Variants in COA1 observed in about 807,000 individuals in gnomAD.
The protein encoded by COA1 is cytochrome c oxidase assembly factor 1.
In COA1, 13 loss-of-function variants were observed where a neutral mutation model predicts 16.0. The observed-to-expected ratio is 0.81, with a 90% confidence interval of 0.53 to 1.29. COA1 has a LOEUF of 1.29. Ranked by LOEUF, COA1 falls within the 50% of genes most tolerant of loss-of-function variation. The pLI, the probability that COA1 is intolerant of heterozygous loss-of-function variation, is 0.00. For synonymous variants in COA1, 65 were observed against 65.7 expected (o/e 0.99, Z 0.05); for missense variants, 179 against 177.0 (o/e 1.01, Z -0.06).
chr7:43,727,075 C>T (rs2095631796), intron 1 of COA1, among the ~76,000 whole-genome samples: 2 of 152,160 alleles, frequency 1.3e-5, no homozygotes, highest in South Asian at 4.1e-4. Flanking sequence ...TTGATCACTA[C>T]ACATTGTATA....
intron 1 of COA1, among the ~76,000 whole-genome samples, chr7:43,676,527 A>G (rs1363864546): frequency 6.6e-6 from 1 of 152,208 alleles, no homozygotes; most frequent in Non-Finnish European, 1.5e-5. Flanking sequence ...ACTCATGTGC[A>G]GAAGCTAAAA....
rs190642452 is a variant in COA1, at chr7:43,691,477, G to T, written c.-39+37952C>A. On this transcript the variant is annotated intron_variant, in intron 1 of 5. Transcript: ENST00000223336. ...AGAAAGAAAGAAAGAAAGAAAGAAAGAAATTATCATCAATATAACATTTTC... is the reference window on the plus strand; with the variant it reads ...AGAAAGAAAGAAAGAAAGAAAGAAATAAATTATCATCAATATAACATTTTC... 4.1e-3 allele frequency among the ~76,000 whole-genome samples: 539 copies of T among 131,708 alleles called. 3 individuals are homozygous for T. The highest frequency in any genetic ancestry group is 4.7e-3 in the Non-Finnish European group (298 of 63,206). The allele number at this position is 131,708 out of a possible 152,430, so 86.4% of individuals were successfully genotyped here.
intron 1 of COA1, among the ~76,000 whole-genome samples, chr7:43,685,154 TAA>T (rs35252235): frequency 9.9e-4 from 126 of 127,030 alleles, no homozygotes; most frequent in Middle Eastern, 3.9e-3. Context: ...TCCCATCTCT[TAA>T]AAAAAAAAAA....
Position 43,691,416 on chromosome 7 carries a change from A to AAGGAAGGAAGG in COA1, c.-39+38012_-39+38013insCCTTCCTTCCT, listed in dbSNP as rs1563385275. 1.1e-4 allele frequency among the ~76,000 whole-genome samples: 10 copies of AAGGAAGGAAGG among 90,030 alleles called. No homozygotes were observed. The East Asian group carries it at 1.8e-3, about 16-fold the overall frequency. 59.1% of individuals were successfully genotyped at this position (90,030 alleles called of 152,430 possible). ...GGAAGGAAGGAAGGAAGGAAGGAAG[A>AAGGAAGGAAGG]AAGAAAAAGAAAGAAAGAAAGAAAG... On this transcript the variant is annotated intron_variant, in intron 1 of 5. Coordinates refer to ENST00000223336, the MANE Select transcript of COA1 (RefSeq NM_018224.4).
intron 1 of COA1, among the ~76,000 whole-genome samples, chr7:43,666,142 C>CA (rs1563309420): frequency 6.6e-6 from 1 of 152,160 alleles, no homozygotes; most frequent in Non-Finnish European, 1.5e-5. Flanking sequence ...TTAAGATGTT[C>CA]AATCTTCTTT....
chr7:43,680,246 A>C lies in COA1; in HGVS notation c.-38-31594T>G, dbSNP rs1265598965. On this transcript the variant is annotated intron_variant, in intron 1 of 5. Coordinates refer to ENST00000223336, the MANE Select transcript of COA1 (RefSeq NM_018224.4). ...CCGGAGAGCCATTTCACCAGCACAC[A>C]CTTGGAAGTTACCATACAGAATTTG... 2.7e-5 allele frequency among the ~76,000 whole-genome samples: 4 copies of C among 150,386 alleles called. No homozygotes were observed. In the East Asian group the frequency reaches 7.8e-4, roughly 29 times the overall value.
intron 1 of COA1, among the ~76,000 whole-genome samples, chr7:43,681,171 A>G (rs933473303): frequency 6.6e-6 from 1 of 152,124 alleles, no homozygotes; most frequent in Non-Finnish European, 1.5e-5. Flanking sequence ...ATACTATAGG[A>G]TTGACCCATT....
At chr7:43,675,064 T>C (rs773434739) in intron 1 of COA1, among the ~76,000 whole-genome samples, 5 of 152,176 alleles carry the variant, frequency 3.3e-5, no homozygotes, top group African/African-American at 7.2e-5. Flanking sequence ...CAATCACAAA[T>C]ACTCTGTCAG....
chr7:43,677,017 C>T (rs2093555888), intron 1 of COA1, among the ~76,000 whole-genome samples: 1 of 152,090 alleles, frequency 6.6e-6, no homozygotes, highest in South Asian at 2.1e-4. Flanking sequence ...TGTTAAGTCC[C>T]CTTGGGGTGG....
At chr7:43,630,754 G>A (rs1292816264) in intron 6 of COA1, among the ~76,000 whole-genome samples, 1 of 152,202 alleles carries the variant, frequency 6.6e-6, no homozygotes, top group Non-Finnish European at 1.5e-5. Context: ...TTTGCACAAT[G>A]TATATCATTT....
chr7:43,698,948 C>A (rs2131307962), intron 1 of COA1, among the ~76,000 whole-genome samples: 1 of 152,318 alleles, frequency 6.6e-6, no homozygotes, highest in Non-Finnish European at 1.5e-5. Context: ...CAAGCCCTCA[C>A]TGCCACCATC....
At chr7:43,615,333 G>A (rs34064273) in intron 6 of COA1, among the ~76,000 whole-genome samples, 19,373 of 151,982 alleles carry the variant, frequency 0.13, 1,635 homozygotes, top group Non-Finnish European at 0.19. Context: ...ACACCACCAT[G>A]CCTGGCTAAT....
At chr7:43,680,885 G>A (rs1395671180) in intron 1 of COA1, among the ~76,000 whole-genome samples, 2 of 152,090 alleles carry the variant, frequency 1.3e-5, no homozygotes, top group African/African-American at 2.4e-5. Context: ...ATGGGAAGAT[G>A]GTTTAAGCCC....
rs564112091 is a variant in COA1 at position 43,717,252 on chromosome 7, A to G, written c.-39+12177T>C. Among the ~76,000 whole-genome samples, 248 of 152,276 alleles carry G rather than the reference A, an allele frequency of 1.6e-3. 1 individual carries two copies. The highest frequency in any genetic ancestry group is 5.5e-3 in the African/African-American group (228 of 41,550). On this transcript the variant is annotated intron_variant, in intron 1 of 5. Coordinates refer to ENST00000223336, the MANE Select transcript of COA1 (RefSeq NM_018224.4). ...CACCTGGAAAAGTCACAGACACTCA[A>G]TGCCAGCCTATGAAAGCAGCCTGGA... is the stretch of plus-strand genomic sequence containing the variant.
intron 1 of COA1, among the ~76,000 whole-genome samples, chr7:43,698,160 C>T (rs1178757278): frequency 1.3e-5 from 2 of 152,084 alleles, no homozygotes; most frequent in African/African-American, 2.4e-5. Flanking sequence ...ACTGACTTTG[C>T]AAAGTCAAAA....
chr7:43,671,149 A>G (rs1170043055), intron 1 of COA1, among the ~76,000 whole-genome samples: 1 of 152,200 alleles, frequency 6.6e-6, no homozygotes, highest in Admixed American at 6.5e-5. Context: ...TGAATCACAG[A>G]CCTACATGTA....
intron 6 of COA1, among the ~76,000 whole-genome samples, chr7:43,630,149 A>G (rs1384425583): frequency 2.6e-5 from 4 of 152,148 alleles, no homozygotes; most frequent in Non-Finnish European, 5.9e-5. Context: ...GGTATTTAGT[A>G]TCTGGCCCTT....
intron 1 of COA1, chr7:43,658,614 C>T (rs1049409263): frequency 5.3e-5 from 8 of 152,188 alleles, no homozygotes; most frequent in African/African-American, 1.9e-4. Context: ...TCCTACCTCT[C>T]GCCAGTGTTC....
At chr7:43,683,101 G>A (rs2093845343) in intron 1 of COA1, among the ~76,000 whole-genome samples, 2 of 152,012 alleles carry the variant, frequency 1.3e-5, no homozygotes, top group Admixed American at 1.3e-4. Context: ...CAAGTGATCT[G>A]CCAGCTTCGG....
Sources: allele counts gnomAD v4.1 joint callset (sites outside exome capture counted in the v4.1 genomes callset), GRCh38; gene constraint gnomAD v4.1.1; transcripts MANE v1.5; gene names NCBI Gene and HGNC (gene_info 2026-07-23, HGNC 2026-07-21).